CLDN10: variants seen among roughly 807,000 people sequenced by gnomAD.
CLDN10 encodes claudin 10, also known as claudin-10.
A neutral mutation model predicts 22.9 loss-of-function variants in CLDN10; 15 were observed. The observed-to-expected ratio is 0.65, with a 90% confidence interval of 0.44 to 1.01. The LOEUF (loss-of-function observed/expected upper bound fraction) is 1.01, where lower values mean the gene tolerates loss of function less well. Ranked by LOEUF, CLDN10 falls within the 50% of genes least tolerant of loss-of-function variation. The pLI, the probability that CLDN10 is intolerant of heterozygous loss-of-function variation, is 0.00. For missense variants in CLDN10, 247 were observed against 287.8 expected (o/e 0.86, Z 1.03); for synonymous variants, 114 against 111.4 (o/e 1.02, Z -0.15).
intron 1 of CLDN10, among the ~76,000 whole-genome samples, chr13:95,505,135 A>C (rs979311404): frequency 6.6e-6 from 1 of 152,238 alleles, no homozygotes; most frequent in Admixed American, 6.5e-5. Flanking sequence ...ATTCATTCTT[A>C]ATTCCCATGA....
chr13:95,557,503 G>C (rs2043653986), intron 1 of CLDN10, among the ~76,000 whole-genome samples: 1 of 152,158 alleles, frequency 6.6e-6, no homozygotes, highest in Non-Finnish European at 1.5e-5. Flanking sequence ...TGGCAGGGGA[G>C]TTTATCCCCT....
intron 1 of CLDN10, among the ~76,000 whole-genome samples, chr13:95,490,090 T>C (rs2042855035): frequency 6.6e-6 from 1 of 152,236 alleles, no homozygotes; most frequent in African/African-American, 2.4e-5. Flanking sequence ...CCTATTTTTA[T>C]ACCAGTACCA....
chr13:95,532,915 G>T (rs1276663536), intron 1 of CLDN10, among the ~76,000 whole-genome samples: 1 of 150,908 alleles, frequency 6.6e-6, no homozygotes, highest in African/African-American at 2.4e-5. Flanking sequence ...ATTGTATCTA[G>T]ATAAAGTTCT....
At chr13:95,455,902 T>G (rs1266512839) in intron 1 of CLDN10, among the ~76,000 whole-genome samples, 1 of 152,222 alleles carries the variant, frequency 6.6e-6, no homozygotes, top group African/African-American at 2.4e-5. Flanking sequence ...TCACACTCCC[T>G]TACCAACCTC....
At chr13:95,571,276 A>C (rs2043856179) in intron 3 of CLDN10, among the ~76,000 whole-genome samples, 1 of 152,184 alleles carries the variant, frequency 6.6e-6, no homozygotes, top group Non-Finnish European at 1.5e-5. Flanking sequence ...TGTCTGTTAT[A>C]ATCTAGCCAC....
intron 1 of CLDN10, among the ~76,000 whole-genome samples, chr13:95,526,017 G>T (rs1278139060): frequency 1.3e-5 from 2 of 151,982 alleles, no homozygotes; most frequent in African/African-American, 4.8e-5. Context: ...TACTTTCTAA[G>T]TCTCAATGTT....
intron 1 of CLDN10, among the ~76,000 whole-genome samples, chr13:95,511,561 T>C (rs2043098770): frequency 6.6e-6 from 1 of 151,908 alleles, no homozygotes; most frequent in Non-Finnish European, 1.5e-5. Context: ...AGCTTCTCCT[T>C]TGGTGTTTCA....
chr13:95,493,707 A>G (rs770450791), intron 1 of CLDN10, among the ~76,000 whole-genome samples: 2 of 151,972 alleles, frequency 1.3e-5, no homozygotes, highest in Non-Finnish European at 2.9e-5. Flanking sequence ...TTACAGGCAC[A>G]TGCCACCACG....
chr13:95,492,387 T>C (rs2042882619), intron 1 of CLDN10, among the ~76,000 whole-genome samples: 1 of 152,002 alleles, frequency 6.6e-6, no homozygotes, highest in Admixed American at 6.6e-5. Flanking sequence ...ACTGGAATTG[T>C]GTACCTAGGA....
intron 3 of CLDN10, among the ~76,000 whole-genome samples, chr13:95,574,560 A>T (rs1366295915): frequency 1.3e-5 from 2 of 152,206 alleles, no homozygotes; most frequent in African/African-American, 4.8e-5. Context: ...ACCTGAGGTC[A>T]GGAGTGCGAG....
rs144794506 is a variant in CLDN10 at position 95,492,987 on chromosome 13, C to T, written c.214+58940C>T. On this transcript the variant is annotated intron_variant, in intron 1 of 4. Transcript: ENST00000376873. Reference sequence around the variant, plus strand: ...GTTTGGAAGAGGAGGGTCCCCCTTTCCCACTTCCGCAGTTGGGGCACTCAC... The same window carrying T: ...GTTTGGAAGAGGAGGGTCCCCCTTTTCCACTTCCGCAGTTGGGGCACTCAC... 4.6e-3 allele frequency among the ~76,000 whole-genome samples: 695 copies of T among 152,306 alleles called. 6 individuals are homozygous for T. Among genetic ancestry groups the T allele is most frequent in the African/African-American group, 0.016 (665 of 41,554 alleles).
intron 1 of CLDN10, among the ~76,000 whole-genome samples, chr13:95,520,962 A>C (rs1412543210): frequency 8.5e-6 from 1 of 118,028 alleles, no homozygotes; most frequent in African/African-American, 2.8e-5. Flanking sequence ...GAGACTCCTC[A>C]AAAAAAAAAA....
At chr13:95,557,345 A>AG (rs1294541901) in intron 1 of CLDN10, among the ~76,000 whole-genome samples, 2 of 152,208 alleles carry the variant, frequency 1.3e-5, no homozygotes, top group African/African-American at 4.8e-5. Context: ...GCAAGGCTGT[A>AG]GAGGTCTGCT....
intron 1 of CLDN10, among the ~76,000 whole-genome samples, chr13:95,445,832 G>A (rs1162714333): frequency 1.3e-5 from 2 of 152,182 alleles, no homozygotes; most frequent in Non-Finnish European, 2.9e-5. Flanking sequence ...AATTGTAGGT[G>A]ACATTAGCGG....
At chr13:95,444,815 T>C (rs959435425) in intron 1 of CLDN10, among the ~76,000 whole-genome samples, 8 of 152,202 alleles carry the variant, frequency 5.3e-5, no homozygotes, top group Non-Finnish European at 8.8e-5. Flanking sequence ...GTGGTGTTTT[T>C]ACAGAGTCTC....
At chr13:95,574,858 AG>A (rs1300953197) in intron 3 of CLDN10, among the ~76,000 whole-genome samples, 5 of 152,314 alleles carry the variant, frequency 3.3e-5, no homozygotes, top group Non-Finnish European at 7.4e-5. Context: ...AAATTTCTCC[AG>A]AAAGTTTCAA....
At chr13:95,558,446 C>T (rs772281603) in intron 1 of CLDN10, among the ~76,000 whole-genome samples, 3 of 152,182 alleles carry the variant, frequency 2.0e-5, no homozygotes, top group Non-Finnish European at 1.5e-5. Flanking sequence ...TTGATAGCCA[C>T]GGTGTTAGTG....
At chr13:95,490,038 G>T (rs890933168) in intron 1 of CLDN10, among the ~76,000 whole-genome samples, 1 of 152,050 alleles carries the variant, frequency 6.6e-6, no homozygotes, top group African/African-American at 2.4e-5. Flanking sequence ...AAGTATTTGG[G>T]TTTATTTCTG....
chr13:95,485,559 C>T lies in CLDN10; in HGVS notation c.214+51512C>T, dbSNP rs543586332. Among the ~76,000 whole-genome samples, 6 of 152,304 alleles carry T rather than the reference C, an allele frequency of 3.9e-5. No homozygotes were observed. In the South Asian group the frequency reaches 1.0e-3, roughly 26 times the overall value. ...ATTCATCACTGCTGGTTTTCAAGCC[C>T]GGGCCCACTCCAGATTCCCTAGAAT... On this transcript the variant is annotated intron_variant, in intron 1 of 4. Transcript: ENST00000376873.
Sources: gnomAD v4.1 joint callset for allele counts (sites outside exome capture counted in the v4.1 genomes callset) on GRCh38, gnomAD v4.1.1 for gene constraint, MANE v1.5 for transcripts, NCBI Gene and HGNC (gene_info 2026-07-23, HGNC 2026-07-21) for gene names.